KAZN: variants seen among roughly 807,000 people sequenced by gnomAD.
KAZN encodes the protein kazrin.
Under a neutral mutation model 87.4 loss-of-function variants are expected in KAZN, and 40 were observed. The ratio of observed to expected loss-of-function variants is 0.46; its 90% confidence interval spans 0.36 to 0.60. KAZN has a LOEUF of 0.60. Ranked by LOEUF, KAZN falls within the 20% of genes least tolerant of loss-of-function variation. The pLI, the probability that KAZN is intolerant of heterozygous loss-of-function variation, is 0.00. For synonymous variants in KAZN, 466 were observed against 458.3 expected, an observed-to-expected ratio of 1.02 and a Z score of -0.22; for missense variants, 898 against 1,073.9, an observed-to-expected ratio of 0.84 and a Z score of 2.29.
At chr1:14,492,231 A>G (rs1471121787) in intron 2 of KAZN, among the ~76,000 whole-genome samples, 1 of 152,082 alleles carries the variant, frequency 6.6e-6, no homozygotes, top group Non-Finnish European at 1.5e-5. Context: ...AGTCTTGGAG[A>G]GAACAGGAGT....
intron 2 of KAZN, among the ~76,000 whole-genome samples, chr1:14,997,859 T>C (rs1668054160): frequency 6.6e-6 from 1 of 152,192 alleles, no homozygotes; most frequent in East Asian, 1.9e-4. Flanking sequence ...ACTTAGTTGC[T>C]GTGTGGCTTT....
chr1:14,924,107 G>A (rs1658861502), intron 1 of KAZN: 16 of 981,892 alleles, frequency 1.6e-5, no homozygotes, highest in Non-Finnish European at 1.9e-5. Flanking sequence ...GGAAGGAGCG[G>A]GAGGAGGAGC....
chr1:14,515,530 G>A (rs185264076), intron 2 of KAZN, among the ~76,000 whole-genome samples: 12 of 152,290 alleles, frequency 7.9e-5, no homozygotes, highest in Admixed American at 7.8e-4. Context: ...TGCAGGAGCT[G>A]GCTTCTGCCT....
In KAZN at chr1:14,000,178, A is replaced by G. The variant is rs116459337; in HGVS notation, c.91+106422A>G. Among the ~76,000 whole-genome samples the G allele has an allele frequency of 6.9e-3, 1,049 of 152,134 alleles. 6 individuals carry two copies. The highest frequency in any genetic ancestry group is 0.011 in the South Asian group (54 of 4,808). ...TATTCCAAAGAATTGAAAAGCAGAGACTCCTCCTGAACTGATTTTATGACA... is the reference window on the plus strand; with the variant it reads ...TATTCCAAAGAATTGAAAAGCAGAGGCTCCTCCTGAACTGATTTTATGACA... On this transcript the variant is annotated intron_variant, in intron 1 of 16. Transcript: ENST00000636203.
At chr1:15,039,055 G>A (rs907092091) in intron 3 of KAZN, among the ~76,000 whole-genome samples, 2 of 148,952 alleles carry the variant, frequency 1.3e-5, no homozygotes, top group Non-Finnish European at 3.0e-5. Flanking sequence ...ATACAGACAC[G>A]AATGTGCTAT....
At chr1:15,033,094 G>A (rs1339560400) in intron 2 of KAZN, among the ~76,000 whole-genome samples, 1 of 152,054 alleles carries the variant, frequency 6.6e-6, no homozygotes, top group Non-Finnish European at 1.5e-5. Flanking sequence ...ATTTTACTAG[G>A]TATTGTAAGT....
chr1:14,180,682 C>A, intron 2 of KAZN: 2 of 1,031,998 alleles, frequency 1.9e-6, no homozygotes, highest in Non-Finnish European at 2.8e-6. Flanking sequence ...TCAACTACCA[C>A]ACCTATTGAA....
At chr1:14,088,371 T>C (rs1263927031) in intron 1 of KAZN, among the ~76,000 whole-genome samples, 3 of 151,974 alleles carry the variant, frequency 2.0e-5, no homozygotes, top group Non-Finnish European at 2.9e-5. Context: ...TTTATAATTT[T>C]ATTATTTCTT....
At chr1:14,453,803 T>C (rs1667414767) in intron 2 of KAZN, among the ~76,000 whole-genome samples, 1 of 151,826 alleles carries the variant, frequency 6.6e-6, no homozygotes, top group Non-Finnish European at 1.5e-5. Flanking sequence ...ACCACTGCAC[T>C]CCAGCCTGGG....
intron 2 of KAZN, among the ~76,000 whole-genome samples, chr1:14,966,231 C>A (rs767086865): frequency 6.6e-6 from 1 of 152,162 alleles, no homozygotes; most frequent in South Asian, 2.1e-4. Context: ...CTGCCTGCCT[C>A]GGCCTCCCAA....
At chr1:15,072,509 CACTT>C (rs1639549336) in intron 8 of KAZN, among the ~76,000 whole-genome samples, 1 of 152,198 alleles carries the variant, frequency 6.6e-6, no homozygotes, top group East Asian at 1.9e-4. Flanking sequence ...TGAGTAGAAA[CACTT>C]AGACGCTGCT....
At chr1:14,781,163 A>C (rs1246771747) in intron 1 of KAZN, among the ~76,000 whole-genome samples, 5 of 152,214 alleles carry the variant, frequency 3.3e-5, no homozygotes, top group African/African-American at 1.2e-4. Context: ...TCTACTAAAA[A>C]TACAAAAAAT....
intron 1 of KAZN, among the ~76,000 whole-genome samples, chr1:14,672,968 C>A (rs1049300652): frequency 2.0e-5 from 3 of 152,200 alleles, no homozygotes; most frequent in Non-Finnish European, 4.4e-5. Flanking sequence ...GGATCCCAGG[C>A]CACGTGCAAA....
At chr1:14,645,295 G>C (rs1449160976) in intron 1 of KAZN, among the ~76,000 whole-genome samples, 1 of 152,022 alleles carries the variant, frequency 6.6e-6, no homozygotes, top group Non-Finnish European at 1.5e-5. Flanking sequence ...TTCTTTTTTG[G>C]TTCCATATGA....
rs1364090578 is a variant in KAZN at position 14,712,576 on chromosome 1, C to T, written c.226+113353C>T. ...ATTTTGCAATCATTTGAGACCCCTC[C>T]GATCTGCCAGAAGCCCATGCTCTGG... On this transcript the variant is annotated intron_variant, in intron 1 of 14. Transcript: ENST00000376030. 3.3e-5 allele frequency among the ~76,000 whole-genome samples: 5 copies of T among 152,194 alleles called. No individual in the cohort carries two copies. In the East Asian group the frequency reaches 7.7e-4, roughly 23 times the overall value.
chr1:14,936,836 C>T (rs1016178759), intron 1 of KAZN, among the ~76,000 whole-genome samples: 9 of 152,206 alleles, frequency 5.9e-5, no homozygotes, highest in Admixed American at 1.3e-4. Context: ...ATCCACATGG[C>T]GGGCATCCAG....
rs1276254004 is a variant in KAZN at position 14,889,704 on chromosome 1, T to C, written c.227-70980T>C. 2.6e-5 allele frequency among the ~76,000 whole-genome samples: 4 copies of C among 152,342 alleles called. No individual in the cohort carries two copies. The South Asian group carries it at 8.3e-4, about 32-fold the overall frequency. Reference sequence around the variant, plus strand: ...CCAAATCCAGCCCACCAACCAAGAATGTTTGTACACTTTTAAATGGTTGAA... The same window carrying C: ...CCAAATCCAGCCCACCAACCAAGAACGTTTGTACACTTTTAAATGGTTGAA... On this transcript the variant is annotated intron_variant, in intron 1 of 14. Transcript: ENST00000376030.
rs145502771 is a variant in KAZN, at chr1:14,774,334, G to A, written c.226+175111G>A. On this transcript the variant is annotated intron_variant, in intron 1 of 14. Transcript: ENST00000376030. ...CCCCACAGGCTCATTAGGGGGATTCGAAAGCCCCTTTCCCAGTGCCCTGAA... is the reference window on the plus strand; with the variant it reads ...CCCCACAGGCTCATTAGGGGGATTCAAAAGCCCCTTTCCCAGTGCCCTGAA... Among the ~76,000 whole-genome samples the A allele has an allele frequency of 3.6e-4, 55 of 152,164 alleles. No individual in the cohort carries two copies. The South Asian group carries it at 4.4e-3, about 12-fold the overall frequency.
At chr1:14,876,878 A>G (rs1405939634) in intron 1 of KAZN, among the ~76,000 whole-genome samples, 1 of 152,244 alleles carries the variant, frequency 6.6e-6, no homozygotes, top group Admixed American at 6.5e-5. Context: ...ATCTACTTTG[A>G]CATGAACTAA....
Sources: gnomAD v4.1 joint callset for allele counts (sites outside exome capture counted in the v4.1 genomes callset) on GRCh38, gnomAD v4.1.1 for gene constraint, MANE v1.5 for transcripts, NCBI Gene and HGNC (gene_info 2026-07-23, HGNC 2026-07-21) for gene names.